Variants in P3H2 observed in about 807,000 individuals in gnomAD.
P3H2 encodes prolyl 3-hydroxylase 2.
A neutral mutation model predicts 87.0 loss-of-function variants in P3H2; 80 were observed. The observed-to-expected ratio is 0.92, with a 90% CI of 0.77 to 1.11. The LOEUF (loss-of-function observed/expected upper bound fraction) is 1.11. P3H2 is among the 50% of genes least tolerant of loss of function. The pLI, the probability that P3H2 is intolerant of heterozygous loss-of-function variation, is 0.00. For synonymous variants in P3H2, 367 were observed against 359.3 expected (o/e 1.02, Z -0.24); for missense variants, 1,001 against 923.9 (o/e 1.08, Z -1.08).
intron 1 of P3H2, among the ~76,000 whole-genome samples, chr3:190,108,062 C>T (rs1389872248): frequency 2.6e-5 from 4 of 152,066 alleles, no homozygotes; most frequent in Admixed American, 2.0e-4. Flanking sequence ...CAGCCTCTAC[C>T]TCCCAAAGTG....
chr3:189,971,022 A>G, intron 12 of P3H2, 131 bp from the exon 13 acceptor site: 1 of 633,098 alleles, frequency 1.6e-6, no homozygotes, highest in Non-Finnish European at 2.9e-6. Flanking sequence ...CATTGATATA[A>G]TTGGTCCTCC....
intron 1 of P3H2, among the ~76,000 whole-genome samples, chr3:190,036,194 C>T (rs7645650): frequency 1.3e-5 from 2 of 151,848 alleles, no homozygotes; most frequent in Non-Finnish European, 2.9e-5. Flanking sequence ...ATAACCACAT[C>T]ACTCTGCCTT....
At chr3:190,062,787 C>T (rs1399506218) in intron 1 of P3H2, among the ~76,000 whole-genome samples, 1 of 151,886 alleles carries the variant, frequency 6.6e-6, no homozygotes, top group Admixed American at 6.6e-5. Context: ...AACGTTATTC[C>T]CCACTGATTC....
At chr3:189,995,555 G>A (rs1577261682) in intron 1 of P3H2, 113 bp from the exon 2 acceptor site, 1 of 705,560 alleles carries the variant, frequency 1.4e-6, no homozygotes, top group African/African-American at 3.1e-5. Context: ...TAGGAGCCTT[G>A]GTTTTTTTTT....
intron 1 of P3H2, among the ~76,000 whole-genome samples, chr3:190,097,217 T>A (rs1314433239): frequency 2.0e-5 from 3 of 151,032 alleles, no homozygotes; most frequent in East Asian, 1.9e-4. Flanking sequence ...GCAAGGAGAA[T>A]CAATGTGAAA....
At position 189,974,638 on chromosome 3, in the gene P3H2, G is replaced by A. The variant is rs895635914; in HGVS notation, c.1372C>T (p.Gln458Ter). The change falls in exon 9 of 15, where the codon CAG becomes TAG. Residue 458 changes from glutamine (Q) to a stop codon, truncating the protein, a stop_gained. Coordinates refer to ENST00000319332, the MANE Select transcript of P3H2 (RefSeq NM_018192.4). LOFTEE classifies it high-confidence loss of function. Reference sequence around the variant, plus strand: ...AGAACCCGCTGAGTCCCGTTCAGCTGCTCCGAGTTGTAGACGAATGTGATG... The same window carrying A: ...AGAACCCGCTGAGTCCCGTTCAGCTACTCCGAGTTGTAGACGAATGTGATG... ...ENITFVYNSE[Q>*]LNGTQRVLLD... is the part of the protein sequence containing the mutation. The A allele has an allele frequency of 2.4e-5, 39 of 1,614,088 alleles. No homozygotes were observed. Among genetic ancestry groups the A allele is most frequent in the Admixed American group, 3.3e-5 (2 of 60,004 alleles).
upstream of P3H2, chr3:190,120,974 G>A (rs1712560791): frequency 3.7e-6 from 2 of 542,494 alleles, no homozygotes; most frequent in African/African-American, 2.0e-5. Flanking sequence ...GAGACTCCGA[G>A]AGCCGCTCTC....
chr3:190,006,525 G>C lies in P3H2; in HGVS notation c.481-11083C>G, dbSNP rs182112553. ...CTGAGGATACAAAATAAATGTGACA[G>C]GATCCTAATCTTTTAGTAAATATAG... is the stretch of plus-strand genomic sequence containing the variant. On this transcript the variant is annotated intron_variant, in intron 1 of 14. Coordinates refer to ENST00000319332, the MANE Select transcript of P3H2 (RefSeq NM_018192.4). Among the ~76,000 whole-genome samples the C allele has an allele frequency of 2.4e-3, 368 of 152,314 alleles. 1 individual carries two copies. The highest frequency in any genetic ancestry group is 0.014 in the South Asian group (69 of 4,830).
intron 8 of P3H2, among the ~76,000 whole-genome samples, chr3:189,981,283 C>T (rs1445441456): frequency 1.3e-5 from 2 of 152,274 alleles, no homozygotes; most frequent in East Asian, 3.9e-4. Context: ...TTGCAATTGG[C>T]ATCTGAAATG....
At chr3:190,086,010 T>C (rs1272724411) in intron 1 of P3H2, among the ~76,000 whole-genome samples, 1 of 152,182 alleles carries the variant, frequency 6.6e-6, no homozygotes, top group Non-Finnish European at 1.5e-5. Flanking sequence ...ATAAAGATTA[T>C]TCTTCATTAC....
At chr3:190,051,748 C>T (rs899679934) in intron 1 of P3H2, among the ~76,000 whole-genome samples, 3 of 152,188 alleles carry the variant, frequency 2.0e-5, no homozygotes, top group African/African-American at 7.2e-5. Context: ...GGTTTCAGCC[C>T]ACAGTGAATT....
chr3:190,111,738 T>C (rs1005170150), intron 1 of P3H2, among the ~76,000 whole-genome samples: 1 of 152,168 alleles, frequency 6.6e-6, no homozygotes, highest in African/African-American at 2.4e-5. Flanking sequence ...CTTTCTTTCT[T>C]ATGAGGTTTC....
intron 1 of P3H2, among the ~76,000 whole-genome samples, chr3:190,079,468 A>T (rs1335575252): frequency 1.3e-5 from 2 of 152,258 alleles, no homozygotes; most frequent in Admixed American, 6.5e-5. Context: ...ATGTAAGCAC[A>T]GATGAATGAT....
At chr3:190,067,600 C>T (rs887533693) in intron 1 of P3H2, among the ~76,000 whole-genome samples, 5 of 152,180 alleles carry the variant, frequency 3.3e-5, no homozygotes, top group African/African-American at 9.6e-5. Flanking sequence ...TAATTTAAAA[C>T]GAATCTCCTC....
chr3:189,983,232 A>G, intron 7 of P3H2, 92 bp from the exon 8 acceptor site: 1 of 927,236 alleles, frequency 1.1e-6, no homozygotes, highest in South Asian at 1.4e-5. Context: ...CTGTGACTCT[A>G]TATTGTGTAT....
At chr3:190,044,042 AAG>A (rs1333355212) in intron 1 of P3H2, among the ~76,000 whole-genome samples, 1 of 152,198 alleles carries the variant, frequency 6.6e-6, no homozygotes, top group Non-Finnish European at 1.5e-5. Flanking sequence ...TATAAAATGA[AAG>A]AGAGATTGTT....
intron 1 of P3H2, among the ~76,000 whole-genome samples, chr3:190,078,355 C>T (rs1000552777): frequency 2.0e-5 from 3 of 152,192 alleles, no homozygotes; most frequent in Admixed American, 6.5e-5. Context: ...GTCATTTTAG[C>T]AGTTTTTACT....
At chr3:190,062,996 G>C (rs1233555023) in intron 1 of P3H2, among the ~76,000 whole-genome samples, 1 of 152,108 alleles carries the variant, frequency 6.6e-6, no homozygotes, top group Non-Finnish European at 1.5e-5. Flanking sequence ...TTAGCTCTGA[G>C]CTTTCATCAT....
intron 1 of P3H2, among the ~76,000 whole-genome samples, chr3:190,052,840 G>A (rs553145888): frequency 3.9e-5 from 6 of 152,254 alleles, no homozygotes; most frequent in African/African-American, 1.4e-4. Context: ...AATCCACACA[G>A]CGATCAAGAC....
Sources: gnomAD v4.1 joint callset for allele counts (sites outside exome capture counted in the v4.1 genomes callset) on GRCh38, gnomAD v4.1.1 for gene constraint, MANE v1.5 for transcripts, NCBI Gene and HGNC (gene_info 2026-07-23, HGNC 2026-07-21) for gene names.